The following OCA2 variants were observed in gnomAD, a reference collection of about 807,000 sequenced individuals.
The protein encoded by OCA2 is OCA2 melanosomal transmembrane protein.
OCA2 carries 77 observed loss-of-function variants against 100.2 expected under a neutral mutation model. The ratio of observed to expected loss-of-function variants is 0.77; its 90% confidence interval spans 0.64 to 0.93. The LOEUF (loss-of-function observed/expected upper bound fraction) is 0.93, where lower values mean the gene tolerates loss of function less well. Among genes scored for constraint, OCA2 ranks in the 40% least tolerant of loss-of-function variants. The pLI is 0.00. For synonymous variants in OCA2, 432 were observed against 439.2 expected (o/e 0.98, Z 0.21); for missense variants, 1,062 against 1,089.1 (o/e 0.98, Z 0.35).
chr15:27,803,428 C>G (rs773169037), intron 23 of OCA2, among the ~76,000 whole-genome samples: 1 of 152,154 alleles, frequency 6.6e-6, no homozygotes, highest in Non-Finnish European at 1.5e-5. Flanking sequence ...CATGCTACAA[C>G]GTGGATGGGC....
At chr15:27,879,214 C>T (rs770741702) in intron 19 of OCA2, among the ~76,000 whole-genome samples, 92 of 152,290 alleles carry the variant, frequency 6.0e-4, no homozygotes, top group Admixed American at 1.2e-3. Context: ...CAGAGTATTG[C>T]ATGTTGTATA....
At chr15:27,785,232 A>G (rs1332686755) in intron 23 of OCA2, among the ~76,000 whole-genome samples, 1 of 152,188 alleles carries the variant, frequency 6.6e-6, no homozygotes, top group African/African-American at 2.4e-5. Context: ...AAAAAAATAC[A>G]TTTCAAAAAT....
At chr15:27,937,098 G>A (rs2039482890) in intron 18 of OCA2, among the ~76,000 whole-genome samples, 1 of 152,168 alleles carries the variant, frequency 6.6e-6, no homozygotes, top group African/African-American at 2.4e-5. Context: ...CATGACCGAG[G>A]ATGCCAGTCA....
chr15:28,061,371 T>C (rs1011742110), intron 2 of OCA2, among the ~76,000 whole-genome samples: 2 of 151,804 alleles, frequency 1.3e-5, no homozygotes, highest in African/African-American at 4.8e-5. Flanking sequence ...GAATACAGAC[T>C]CAAAAACATG....
intron 18 of OCA2, among the ~76,000 whole-genome samples, chr15:27,929,490 T>C (rs1042165660): frequency 2.0e-5 from 3 of 152,046 alleles, no homozygotes; most frequent in Non-Finnish European, 4.4e-5. Context: ...CGAAATTTAA[T>C]ACAAATGGAT....
intron 23 of OCA2, among the ~76,000 whole-genome samples, chr15:27,801,522 A>T (rs1039138125): frequency 1.5e-5 from 2 of 135,418 alleles, no homozygotes; most frequent in Non-Finnish European, 3.0e-5. Flanking sequence ...ACTGCACTTC[A>T]GCCTGGCGAC....
chr15:27,776,042 T>C (rs546984949), intron 23 of OCA2, among the ~76,000 whole-genome samples: 1 of 152,388 alleles, frequency 6.6e-6, no homozygotes, highest in East Asian at 1.9e-4. Flanking sequence ...TGGGCACTGC[T>C]CTTGCTCCAA....
intron 9 of OCA2, among the ~76,000 whole-genome samples, chr15:28,009,767 C>T (rs1261415352): frequency 1.3e-5 from 2 of 151,684 alleles, no homozygotes; most frequent in Admixed American, 6.6e-5. Flanking sequence ...AGTGTAAGTT[C>T]TCTAACTATA....
intron 13 of OCA2, among the ~76,000 whole-genome samples, chr15:27,984,034 T>C (rs1364669627): frequency 2.0e-5 from 3 of 151,534 alleles, no homozygotes; most frequent in African/African-American, 4.9e-5. Flanking sequence ...CATATGATAA[T>C]GTAATAATTC....
chr15:27,809,481 T>C (rs1488041807), intron 23 of OCA2, among the ~76,000 whole-genome samples: 2 of 152,168 alleles, frequency 1.3e-5, no homozygotes, highest in African/African-American at 4.8e-5. Flanking sequence ...ATGCTCTCTC[T>C]CAACACTCCT....
At chr15:27,980,492 G>C (rs1201742764) in intron 14 of OCA2, among the ~76,000 whole-genome samples, 1 of 152,128 alleles carries the variant, frequency 6.6e-6, no homozygotes, top group Non-Finnish European at 1.5e-5. Flanking sequence ...TCATGACTTT[G>C]TGAAGATCCA....
At chr15:28,098,262 C>T (rs929998394) in intron 1 of OCA2, among the ~76,000 whole-genome samples, 2 of 152,228 alleles carry the variant, frequency 1.3e-5, no homozygotes, top group African/African-American at 2.4e-5. Context: ...CTACTCAGCT[C>T]TTTCATCTCT....
At chr15:27,826,580 G>C (rs2034732200) in intron 23 of OCA2, among the ~76,000 whole-genome samples, 2 of 152,120 alleles carry the variant, frequency 1.3e-5, no homozygotes, top group Admixed American at 1.3e-4. Context: ...GTGACTCTTA[G>C]CACACCGACT....
At chr15:27,886,531 A>T (rs1442968762) in intron 19 of OCA2, among the ~76,000 whole-genome samples, 1 of 152,234 alleles carries the variant, frequency 6.6e-6, no homozygotes, top group Non-Finnish European at 1.5e-5. Context: ...ACTATTATTT[A>T]TAACTTCAAA....
intron 23 of OCA2, among the ~76,000 whole-genome samples, chr15:27,814,159 A>T (rs1006373835): frequency 6.6e-6 from 1 of 152,198 alleles, no homozygotes; most frequent in Non-Finnish European, 1.5e-5. Context: ...CTATTTAACT[A>T]TGTATTTGTA....
At chr15:28,081,449 C>T (rs539869772) in intron 2 of OCA2, among the ~76,000 whole-genome samples, 199 bp downstream of exon 2, 1 of 152,214 alleles carries the variant, frequency 6.6e-6, no homozygotes, top group African/African-American at 2.4e-5. Context: ...TTTTTATTAT[C>T]TTTTGGAGCT....
chr15:28,092,848 A>G (rs1164795101), intron 1 of OCA2, among the ~76,000 whole-genome samples: 2 of 152,226 alleles, frequency 1.3e-5, no homozygotes, highest in African/African-American at 4.8e-5. Context: ...ATAGAGAGGA[A>G]CTTCCTCAGA....
At chr15:27,949,201 C>T (rs1204333952) in intron 18 of OCA2, among the ~76,000 whole-genome samples, 1 of 152,194 alleles carries the variant, frequency 6.6e-6, no homozygotes, top group Admixed American at 6.5e-5. Flanking sequence ...TATGACAGCA[C>T]CCTATGTTAT....
intron 2 of OCA2, among the ~76,000 whole-genome samples, chr15:28,051,132 C>A (rs1213975647): frequency 6.6e-6 from 1 of 152,312 alleles, no homozygotes; most frequent in African/African-American, 2.4e-5. Flanking sequence ...AGCAAGGGGG[C>A]AAGTTTACTC....
Sources: gnomAD v4.1 joint callset for allele counts (sites outside exome capture counted in the v4.1 genomes callset) on GRCh38, gnomAD v4.1.1 for gene constraint, MANE v1.5 for transcripts, NCBI Gene and HGNC (gene_info 2026-07-23, HGNC 2026-07-21) for gene names.